JAKMIP2: variants seen among roughly 807,000 people sequenced by gnomAD.
JAKMIP2 encodes janus kinase and microtubule-interacting protein 2.
Under a neutral mutation model 115.0 loss-of-function variants are expected in JAKMIP2, and 25 were observed. That is an observed-to-expected ratio of 0.22 (90% CI 0.16 to 0.30). The LOEUF (loss-of-function observed/expected upper bound fraction) is 0.30, where lower values mean the gene tolerates loss of function less well. JAKMIP2 is among the 10% of genes least tolerant of loss of function. JAKMIP2 has a pLI of 1.00. For synonymous variants in JAKMIP2, 334 were observed against 343.6 expected (o/e 0.97, Z 0.31); for missense variants, 642 against 957.6 (o/e 0.67, Z 4.35).
At chr5:147,706,630 C>T (rs547709937) in intron 1 of JAKMIP2, among the ~76,000 whole-genome samples, 1 of 152,062 alleles carries the variant, frequency 6.6e-6, no homozygotes, top group South Asian at 2.1e-4. Flanking sequence ...TACCATTTAT[C>T]CTAAAAATTA....
intron 1 of JAKMIP2, among the ~76,000 whole-genome samples, chr5:147,750,902 A>G (rs1195428761): frequency 6.7e-6 from 1 of 149,122 alleles, no homozygotes; most frequent in Non-Finnish European, 1.5e-5. Context: ...TCGACATCGG[A>G]CTTCCAATCT....
chr5:147,777,884 C>G (rs1295032746), intron 1 of JAKMIP2, among the ~76,000 whole-genome samples: 1 of 152,026 alleles, frequency 6.6e-6, no homozygotes, highest in African/African-American at 2.4e-5. Flanking sequence ...ATTTGAAAAA[C>G]AAATAAATAT....
chr5:147,615,736 T>C (rs1756536810), intron 19 of JAKMIP2, among the ~76,000 whole-genome samples: 1 of 152,168 alleles, frequency 6.6e-6, no homozygotes, highest in Non-Finnish European at 1.5e-5. Flanking sequence ...TTTATAACCA[T>C]CTATGGGTCC....
At position 147,607,046 on chromosome 5, in the gene JAKMIP2, T is replaced by A. The variant is rs551444164; in HGVS notation, c.2413-5235A>T. Among the ~76,000 whole-genome samples, 19 of 152,360 alleles carry A rather than the reference T, an allele frequency of 1.2e-4. No homozygotes were observed. The South Asian group carries it at 3.5e-3, about 28-fold the overall frequency. On this transcript the variant is annotated intron_variant, in intron 20 of 21. Coordinates refer to ENST00000616793, the MANE Select transcript of JAKMIP2 (RefSeq NM_001270941.2). Reference sequence around the variant, plus strand: ...TTTGTATCTTGAGAGTTTGCTGAAGTTGCTTATCAGCTTAAGGAGTTTTTG... The same window carrying A: ...TTTGTATCTTGAGAGTTTGCTGAAGATGCTTATCAGCTTAAGGAGTTTTTG...
At chr5:147,778,565 T>G (rs1755649591) in intron 1 of JAKMIP2, among the ~76,000 whole-genome samples, 1 of 152,078 alleles carries the variant, frequency 6.6e-6, no homozygotes, top group Non-Finnish European at 1.5e-5. Context: ...AAACACAAAT[T>G]TGGACAAGTC....
chr5:147,668,306 C>T (rs75826555), intron 2 of JAKMIP2, among the ~76,000 whole-genome samples: 12,967 of 152,206 alleles, frequency 0.085, 660 homozygotes, highest in Admixed American at 0.14. Flanking sequence ...GAGTAAAAAG[C>T]CCTGGGGCAG....
chr5:147,653,471 G>T (rs748920657), intron 3 of JAKMIP2, among the ~76,000 whole-genome samples: 1 of 151,876 alleles, frequency 6.6e-6, no homozygotes, highest in South Asian at 2.1e-4. Context: ...GAGATGATGA[G>T]CTTTTTTTTT....
chr5:147,763,412 ACG>A (rs1755003381), intron 1 of JAKMIP2, among the ~76,000 whole-genome samples: 1 of 152,102 alleles, frequency 6.6e-6, no homozygotes, highest in African/African-American at 2.4e-5. Flanking sequence ...TTCTGGCTAC[ACG>A]CACACTGTTG....
At chr5:147,714,699 T>C (rs1358096085) in intron 1 of JAKMIP2, among the ~76,000 whole-genome samples, 1 of 152,146 alleles carries the variant, frequency 6.6e-6, no homozygotes, top group Non-Finnish European at 1.5e-5. Flanking sequence ...ATGACTGGCC[T>C]ATAAAAAGAT....
At chr5:147,702,932 T>C (rs1345274739) in intron 1 of JAKMIP2, among the ~76,000 whole-genome samples, 1 of 152,168 alleles carries the variant, frequency 6.6e-6, no homozygotes, top group Non-Finnish European at 1.5e-5. Flanking sequence ...TTGTTTCCAA[T>C]AGGAGTTTAA....
intron 16 of JAKMIP2, among the ~76,000 whole-genome samples, chr5:147,626,209 A>C (rs986734735): frequency 2.6e-5 from 4 of 152,228 alleles, no homozygotes; most frequent in African/African-American, 9.6e-5. Context: ...AAAAGTCTGC[A>C]CAAAAGGCAG....
intron 1 of JAKMIP2, among the ~76,000 whole-genome samples, chr5:147,702,615 A>AGAAAGAAAGAAG (rs1752396036): frequency 1.5e-5 from 1 of 64,578 alleles, no homozygotes; most frequent in African/African-American, 5.4e-5. Context: ...AAAGAAAGAA[A>AGAAAGAAAGAAG]GAAAGAAAGA....
At chr5:147,742,766 C>T (rs577974972) in intron 1 of JAKMIP2, among the ~76,000 whole-genome samples, 1 of 152,192 alleles carries the variant, frequency 6.6e-6, no homozygotes, top group South Asian at 2.1e-4. Context: ...GCTAGTCCTT[C>T]CTCCAGGCAT....
Position 147,612,804 on chromosome 5 carries a change from C to T in JAKMIP2, c.2347-433G>A, listed in dbSNP as rs147019003. ...GCAAGAAACAAGCTTTGTTATGAAC[C>T]ATTTGGATTGAGATTTTGATTGTTT... On this transcript the variant is annotated intron_variant, in intron 19 of 21. Coordinates refer to ENST00000616793, the MANE Select transcript of JAKMIP2 (RefSeq NM_001270941.2). 7.9e-5 allele frequency among the ~76,000 whole-genome samples: 12 copies of T among 152,252 alleles called. No individual in the cohort carries two copies. The East Asian group carries it at 2.3e-3, about 29-fold the overall frequency.
intron 1 of JAKMIP2, among the ~76,000 whole-genome samples, chr5:147,776,956 T>G (rs1755581031): frequency 1.3e-5 from 2 of 151,898 alleles, no homozygotes; most frequent in Admixed American, 1.3e-4. Flanking sequence ...AAATTAAAAA[T>G]TAAAAAATAA....
At chr5:147,764,694 T>C (rs894972052) in intron 1 of JAKMIP2, among the ~76,000 whole-genome samples, 6 of 151,546 alleles carry the variant, frequency 4.0e-5, no homozygotes, top group Non-Finnish European at 8.8e-5. Context: ...AAGACCATCC[T>C]AGCCAACATG....
intron 1 of JAKMIP2, among the ~76,000 whole-genome samples, chr5:147,676,551 T>C (rs1299010801): frequency 6.6e-6 from 1 of 152,128 alleles, no homozygotes; most frequent in African/African-American, 2.4e-5. Context: ...AACCCTAGAT[T>C]TCTAGCTCCT....
At chr5:147,700,341 G>T (rs1398515103) in intron 1 of JAKMIP2, among the ~76,000 whole-genome samples, 1 of 152,038 alleles carries the variant, frequency 6.6e-6, no homozygotes, top group African/African-American at 2.4e-5. Context: ...TAAATGGATG[G>T]TAAACATTAG....
intron 1 of JAKMIP2, among the ~76,000 whole-genome samples, chr5:147,714,107 G>A (rs572473062): frequency 1.2e-4 from 18 of 152,178 alleles, no homozygotes; most frequent in African/African-American, 4.1e-4. Flanking sequence ...AACACATGAG[G>A]AGATGAGACA....
Sources: allele counts gnomAD v4.1 joint callset (sites outside exome capture counted in the v4.1 genomes callset), GRCh38; gene constraint gnomAD v4.1.1; transcripts MANE v1.5; gene names NCBI Gene and HGNC (gene_info 2026-07-23, HGNC 2026-07-21).